Variants in PDE7B observed in about 807,000 individuals in gnomAD.
PDE7B encodes 3',5'-cyclic-AMP phosphodiesterase 7B.
A neutral mutation model predicts 56.2 loss-of-function variants in PDE7B; 29 were observed. That is an observed-to-expected ratio of 0.52 (90% CI 0.38 to 0.70). The LOEUF (loss-of-function observed/expected upper bound fraction) is 0.70. Among genes scored for constraint, PDE7B ranks in the 30% least tolerant of loss-of-function variants. The pLI is 0.00. For missense variants in PDE7B, 490 were observed against 565.0 expected (o/e 0.87, Z 1.35); for synonymous variants, 197 against 196.9 (o/e 1.00, Z 0.00).
chr6:136,038,212 A>C lies in PDE7B; in HGVS notation c.83-70519A>C, dbSNP rs1009198911. On this transcript the variant is annotated intron_variant, in intron 2 of 12. Transcript: ENST00000308191. ...GCAGCAGCAGCAGCAGCAGAAGCAGAAACAGCAGCAGCAGCAACAGCAGCA... is the reference window on the plus strand; with the variant it reads ...GCAGCAGCAGCAGCAGCAGAAGCAGCAACAGCAGCAGCAGCAACAGCAGCA... 13 of 1,299,406 alleles carry C rather than the reference A, an allele frequency of 1.0e-5. 1 individual carries two copies. Among genetic ancestry groups the C allele is most frequent in the Middle Eastern group, 2.1e-4 (1 of 4,704 alleles). The allele number at this position is 1,299,406 out of a possible 1,614,324, so 80.5% of individuals were successfully genotyped here. A position where few individuals can be genotyped will look rare whatever the true frequency, so the allele number is the denominator to read the frequency against.
chr6:136,062,967 G>A (rs985237052), intron 2 of PDE7B, among the ~76,000 whole-genome samples: 1 of 152,144 alleles, frequency 6.6e-6, no homozygotes, highest in Non-Finnish European at 1.5e-5. Context: ...ATTTTCTGCT[G>A]TCATTCTAGA....
intron 11 of PDE7B, among the ~76,000 whole-genome samples, chr6:136,181,535 G>A (rs976632043): frequency 6.6e-6 from 1 of 152,156 alleles, no homozygotes; most frequent in African/African-American, 2.4e-5. Flanking sequence ...ACTTACTACA[G>A]AAACAGGTAG....
At chr6:135,990,098 G>GT (rs34915536) in intron 2 of PDE7B, among the ~76,000 whole-genome samples, 40,024 of 137,690 alleles carry the variant, frequency 0.29, 6,817 homozygotes, top group East Asian at 0.45. Context: ...GGGTTTTTTT[G>GT]TTTTTTTTTT....
At chr6:136,038,195 A>AGCC (rs2128209672) in intron 2 of PDE7B, 2 of 1,299,294 alleles carry the variant, frequency 1.5e-6, no homozygotes, top group South Asian at 2.4e-5. Context: ...TAGCAGCAGC[A>AGCC]GCAGCAGCAG....
chr6:135,946,397 A>G (rs1038387516), intron 1 of PDE7B, among the ~76,000 whole-genome samples: 1 of 152,060 alleles, frequency 6.6e-6, no homozygotes, highest in African/African-American at 2.4e-5. Context: ...AAAGTTGTAT[A>G]TGAAATTTCT....
intron 8 of PDE7B, among the ~76,000 whole-genome samples, chr6:136,160,014 G>C (rs1778676434): frequency 6.6e-6 from 1 of 152,098 alleles, no homozygotes; most frequent in African/African-American, 2.4e-5. Context: ...AAAAATACTT[G>C]ATAATTCAGG....
chr6:136,028,346 GA>G (rs1042180263), intron 2 of PDE7B, among the ~76,000 whole-genome samples: 1 of 152,156 alleles, frequency 6.6e-6, no homozygotes, highest in South Asian at 2.1e-4. Flanking sequence ...AAGACTTCAT[GA>G]AAAAACATGG....
intron 2 of PDE7B, among the ~76,000 whole-genome samples, chr6:136,025,784 C>G (rs141410915): frequency 6.6e-6 from 1 of 152,216 alleles, no homozygotes; most frequent in African/African-American, 2.4e-5. Context: ...TCTACTACCC[C>G]AGGACAGAAA....
intron 1 of PDE7B, among the ~76,000 whole-genome samples, chr6:135,916,111 T>C (rs1248919472): frequency 6.6e-6 from 1 of 152,214 alleles, no homozygotes; most frequent in East Asian, 1.9e-4. Flanking sequence ...ATTTTATCTT[T>C]ATAAAAGGTC....
chr6:135,902,331 GT>G (rs66648278), intron 1 of PDE7B, among the ~76,000 whole-genome samples: 23,577 of 147,680 alleles, frequency 0.16, 2,180 homozygotes, highest in African/African-American at 0.26. Context: ...TTATGTGAAG[GT>G]TTTTTTTTTT....
chr6:135,902,298 A>G (rs1235153794), intron 1 of PDE7B, among the ~76,000 whole-genome samples: 1 of 151,202 alleles, frequency 6.6e-6, no homozygotes, highest in African/African-American at 2.4e-5. Flanking sequence ...GAGCACACAG[A>G]TCTCTAGGCA....
At chr6:135,897,107 C>G (rs1010068908) in intron 1 of PDE7B, among the ~76,000 whole-genome samples, 6 of 152,132 alleles carry the variant, frequency 3.9e-5, no homozygotes, top group African/African-American at 1.4e-4. Context: ...AGGTGTGTTC[C>G]CACCTACACA....
At chr6:136,136,746 AAAAT>A (rs914611061) in intron 3 of PDE7B, among the ~76,000 whole-genome samples, 3 of 150,762 alleles carry the variant, frequency 2.0e-5, no homozygotes, top group Admixed American at 6.6e-5. Context: ...AAGTGAAAAT[AAAAT>A]AAATAATGAA....
intron 2 of PDE7B, among the ~76,000 whole-genome samples, chr6:135,965,889 G>A (rs1391983980): frequency 6.6e-6 from 1 of 152,168 alleles, no homozygotes; most frequent in Non-Finnish European, 1.5e-5. Flanking sequence ...TGAGGAGCCA[G>A]AGGAAATTTT....
intron 8 of PDE7B, among the ~76,000 whole-genome samples, chr6:136,159,846 A>G (rs368165897): frequency 3.2e-4 from 48 of 152,348 alleles, no homozygotes; most frequent in South Asian, 2.1e-3. Context: ...AATAGAGGAA[A>G]AAAACAGTTT....
At chr6:136,140,598 T>A (rs1205468982) in intron 3 of PDE7B, among the ~76,000 whole-genome samples, 2 of 152,166 alleles carry the variant, frequency 1.3e-5, no homozygotes, top group East Asian at 1.9e-4. Context: ...CCTCCTACCC[T>A]TGAGCATGGA....
chr6:136,061,039 A>C (rs1345181149), intron 2 of PDE7B, among the ~76,000 whole-genome samples: 1 of 152,186 alleles, frequency 6.6e-6, no homozygotes, highest in Non-Finnish European at 1.5e-5. Context: ...TAAATGAATA[A>C]GGCAAATACT....
chr6:135,916,391 TC>T lies in PDE7B; in HGVS notation c.22-31072del, dbSNP rs561117658. Among the ~76,000 whole-genome samples, 868 of 110,692 alleles carry T rather than the reference TC, an allele frequency of 7.8e-3. 15 individuals carry two copies. The highest frequency in any genetic ancestry group is 0.038 in the African/African-American group (800 of 20,886). The allele number at this position is 110,692 out of a possible 152,430, so 72.6% of individuals were successfully genotyped here. A position where few individuals can be genotyped will look rare whatever the true frequency, so the allele number is the denominator to read the frequency against. On this transcript the variant is annotated intron_variant, in intron 1 of 12. Coordinates refer to ENST00000308191, the MANE Select transcript of PDE7B (RefSeq NM_018945.4). ...TTTTTTTCTTTTCTTTTCTTTTCTT[TC>T]TTTTTTTTTTTTTTTTTTGAGATGG...
intron 2 of PDE7B, among the ~76,000 whole-genome samples, chr6:135,957,615 C>T (rs1260760963): frequency 6.6e-6 from 1 of 152,112 alleles, no homozygotes; most frequent in Admixed American, 6.5e-5. Flanking sequence ...TTCTCCACTT[C>T]CCCAGTGAGC....
Sources: allele counts gnomAD v4.1 joint callset (sites outside exome capture counted in the v4.1 genomes callset), GRCh38; gene constraint gnomAD v4.1.1; transcripts MANE v1.5; gene names NCBI Gene and HGNC (gene_info 2026-07-23, HGNC 2026-07-21).